The following STRBP variants were observed in gnomAD, a reference collection of about 807,000 sequenced individuals.
STRBP encodes spermatid perinuclear RNA binding protein.
A neutral mutation model predicts 80.1 loss-of-function variants in STRBP; 13 were observed. The ratio of observed to expected loss-of-function variants is 0.16; its 90% CI spans 0.11 to 0.26. The LOEUF (loss-of-function observed/expected upper bound fraction) is 0.26. Among genes scored for constraint, STRBP ranks in the 10% least tolerant of loss-of-function variants. STRBP has a pLI of 1.00. For synonymous variants in STRBP, 284 were observed against 291.2 expected (o/e 0.98, Z 0.25); for missense variants, 485 against 815.2 (o/e 0.59, Z 4.93).
intron 5 of STRBP, among the ~76,000 whole-genome samples, chr9:123,170,783 C>T (rs944182319): frequency 3.3e-5 from 5 of 151,982 alleles, no homozygotes; most frequent in Non-Finnish European, 7.4e-5. Flanking sequence ...TTAAGTTATG[C>T]TTAATATATT....
At chr9:123,129,849 C>G (rs1221992843) in intron 17 of STRBP, among the ~76,000 whole-genome samples, 1 of 152,114 alleles carries the variant, frequency 6.6e-6, no homozygotes, top group Non-Finnish European at 1.5e-5. Context: ...ACTTTTTAGT[C>G]TATAGTTAAG....
intron 1 of STRBP, among the ~76,000 whole-genome samples, chr9:123,267,430 C>T (rs2041293624): frequency 6.6e-6 from 1 of 151,768 alleles, no homozygotes; most frequent in Non-Finnish European, 1.5e-5. Context: ...AATGAACTTC[C>T]CCCTTCCACC....
At chr9:123,206,835 G>A (rs564794712) in intron 2 of STRBP, among the ~76,000 whole-genome samples, 5 of 151,952 alleles carry the variant, frequency 3.3e-5, no homozygotes, top group African/African-American at 7.2e-5. Context: ...ACGGGGTTTC[G>A]CCATGTTGGT....
In STRBP at chr9:123,146,933, C is replaced by G; in HGVS notation, c.1260G>C (p.Met420Ile). ...SGPVHAPVFT[M>I]SVDVDGTTYE... ...ATGTTGTGCCATCCACATCTACAGA[C>G]ATTGTGAAGACTGGGGCATGAACGG... The change falls in exon 13 of 19, where the codon ATG becomes ATC. Residue 420 changes from methionine (M) to isoleucine (I), a missense_variant. Physicochemically the swap from Met to Ile is conservative, Grantham distance 10. Coordinates refer to ENST00000348403, the MANE Select transcript of STRBP (RefSeq NM_018387.5). 6.2e-7 allele frequency: 1 copy of G among 1,614,076 alleles called. No individual in the cohort carries two copies. The highest frequency in any genetic ancestry group is 8.5e-7 in the Non-Finnish European group (1 of 1,180,000).
chr9:123,123,453 T>A lies in STRBP; in HGVS notation c.*2144A>T, dbSNP rs1439921412. On this transcript the variant is annotated 3_prime_UTR_variant, in exon 19 of 19. Coordinates refer to ENST00000348403, the MANE Select transcript of STRBP (RefSeq NM_018387.5). ...GGACTGACAGCTCGATTATTTTAAG[T>A]AAAGCAGAGAAATGTAAAAGTTTGC... is the stretch of plus-strand genomic sequence containing the variant. 1 of 984,322 alleles carries A rather than the reference T, an allele frequency of 1.0e-6. No homozygotes were observed. Among genetic ancestry groups the A allele is most frequent in the East Asian group, 1.1e-4 (1 of 8,788 alleles). 61.0% of individuals were successfully genotyped at this position (984,322 alleles called of 1,614,324 possible).
At chr9:123,137,699 T>C (rs1050074739) in intron 14 of STRBP, among the ~76,000 whole-genome samples, 1 of 152,170 alleles carries the variant, frequency 6.6e-6, no homozygotes, top group African/African-American at 2.4e-5. Flanking sequence ...TGCACCACCA[T>C]GCCCAGCCCA....
intron 2 of STRBP, among the ~76,000 whole-genome samples, chr9:123,185,110 A>C (rs77711369): frequency 7.9e-5 from 12 of 152,274 alleles, no homozygotes; most frequent in African/African-American, 2.9e-4. Context: ...AAAAAAAAAA[A>C]CCAGAACATC....
intron 2 of STRBP, among the ~76,000 whole-genome samples, chr9:123,188,039 C>T (rs2038772062): frequency 6.6e-6 from 1 of 152,094 alleles, no homozygotes; most frequent in African/African-American, 2.4e-5. Context: ...TTCCCCACCC[C>T]CAAGCCCTTA....
chr9:123,169,473 G>A (rs1033993047), intron 6 of STRBP, among the ~76,000 whole-genome samples: 1 of 152,014 alleles, frequency 6.6e-6, no homozygotes, highest in Non-Finnish European at 1.5e-5. Flanking sequence ...GCCCAACCAG[G>A]ATGCAAGTAA....
At chr9:123,157,722 T>C (rs1046089084) in intron 11 of STRBP, among the ~76,000 whole-genome samples, 1 of 151,816 alleles carries the variant, frequency 6.6e-6, no homozygotes, top group African/African-American at 2.4e-5. Flanking sequence ...TATAAAACCA[T>C]CAGATCCTGT....
chr9:123,155,986 A>C (rs1231192234), intron 11 of STRBP, among the ~76,000 whole-genome samples: 1 of 152,144 alleles, frequency 6.6e-6, no homozygotes, highest in Non-Finnish European at 1.5e-5. Context: ...TGACAGAACT[A>C]GAACAGGAAC....
At chr9:123,149,483 G>A (rs952509768) in intron 11 of STRBP, among the ~76,000 whole-genome samples, 1 of 152,166 alleles carries the variant, frequency 6.6e-6, no homozygotes, top group African/African-American at 2.4e-5. Context: ...TAAATGCAGA[G>A]ATCTCTTCTC....
chr9:123,243,661 T>C (rs1442138477), intron 1 of STRBP, among the ~76,000 whole-genome samples: 1 of 59,142 alleles, frequency 1.7e-5, no homozygotes, highest in African/African-American at 1.9e-4. Context: ...AATTAGAAAA[T>C]GGGCAAAAAC....
At chr9:123,192,454 C>T (rs910392231) in intron 2 of STRBP, among the ~76,000 whole-genome samples, 3 of 152,144 alleles carry the variant, frequency 2.0e-5, no homozygotes, top group African/African-American at 7.2e-5. Context: ...TAAACTCAAA[C>T]AAAGGGCTGG....
intron 5 of STRBP, among the ~76,000 whole-genome samples, chr9:123,171,628 T>C (rs2038014407): frequency 6.6e-6 from 1 of 152,178 alleles, no homozygotes; most frequent in African/African-American, 2.4e-5. Context: ...CTGAGATTAG[T>C]GTACAATCAT....
chr9:123,201,218 A>C (rs1329801186), intron 2 of STRBP, among the ~76,000 whole-genome samples: 1 of 151,904 alleles, frequency 6.6e-6, no homozygotes, highest in Non-Finnish European at 1.5e-5. Flanking sequence ...GTGTGTTTGA[A>C]TTTCATTTAG....
intron 2 of STRBP, among the ~76,000 whole-genome samples, chr9:123,208,078 G>A (rs1339388792): frequency 6.6e-6 from 1 of 150,788 alleles, no homozygotes; most frequent in Non-Finnish European, 1.5e-5. Flanking sequence ...ATATTGAGTA[G>A]AAGGTACAAG....
intron 2 of STRBP, among the ~76,000 whole-genome samples, chr9:123,214,183 C>A (rs1259951350): frequency 2.1e-5 from 3 of 140,672 alleles, no homozygotes; most frequent in South Asian, 2.2e-4. Context: ...CACACACACA[C>A]AAAATGGAAC....
intron 11 of STRBP, among the ~76,000 whole-genome samples, chr9:123,157,182 C>T (rs1271607272): frequency 6.6e-6 from 1 of 152,198 alleles, no homozygotes; most frequent in African/African-American, 2.4e-5. Context: ...ATTCAACAGA[C>T]TAATACAAAT....
Sources: allele counts gnomAD v4.1 joint callset (sites outside exome capture counted in the v4.1 genomes callset), GRCh38; gene constraint gnomAD v4.1.1; transcripts MANE v1.5; gene names NCBI Gene and HGNC (gene_info 2026-07-23, HGNC 2026-07-21).